CTNND2: variants seen among roughly 807,000 people sequenced by gnomAD.
CTNND2 encodes the protein catenin delta 2.
A neutral mutation model predicts 144.4 loss-of-function variants in CTNND2; 22 were observed. That is an observed-to-expected ratio of 0.15 (90% CI 0.11 to 0.22). The LOEUF (loss-of-function observed/expected upper bound fraction) is 0.22. Ranked by LOEUF, CTNND2 falls within the 10% of genes least tolerant of loss-of-function variation. The probability of loss-of-function intolerance (pLI) is 1.00; values close to 1 mark genes in which losing one functional copy is unlikely to be tolerated. For missense variants in CTNND2, 1,353 were observed against 1,618.8 expected (o/e 0.84, Z 2.82); for synonymous variants, 751 against 695.6 (o/e 1.08, Z -1.25).
intron 21 of CTNND2, among the ~76,000 whole-genome samples, chr5:10,978,281 TTA>T (rs1439614741): frequency 6.6e-6 from 1 of 152,192 alleles, no homozygotes; most frequent in Non-Finnish European, 1.5e-5. Flanking sequence ...GGGATACTGT[TTA>T]TGAGTCCTCT....
intron 1 of CTNND2, among the ~76,000 whole-genome samples, chr5:11,843,930 C>T (rs956071312): frequency 7.9e-5 from 12 of 152,058 alleles, no homozygotes; most frequent in African/African-American, 2.7e-4. Context: ...GTTTGACAGA[C>T]CTTCAAATTA....
chr5:11,376,348 A>G (rs898839839), intron 7 of CTNND2, among the ~76,000 whole-genome samples: 3 of 9,448 alleles, frequency 3.2e-4, no homozygotes, highest in East Asian at 0.011. Context: ...GTGTGTGTGT[A>G]TTTCTTATTC....
intron 1 of CTNND2, among the ~76,000 whole-genome samples, chr5:11,846,522 G>C (rs1794743845): frequency 6.6e-6 from 1 of 152,088 alleles, no homozygotes; most frequent in Non-Finnish European, 1.5e-5. Flanking sequence ...AATGCTTCAT[G>C]AATTTCAACT....
chr5:11,180,614 A>G (rs1268453152), intron 11 of CTNND2, among the ~76,000 whole-genome samples: 3 of 151,964 alleles, frequency 2.0e-5, no homozygotes, highest in African/African-American at 7.3e-5. Context: ...CATGTCCCTG[A>G]CCCCCAAGGC....
intron 2 of CTNND2, among the ~76,000 whole-genome samples, chr5:11,670,952 C>T (rs1484490234): frequency 6.6e-6 from 1 of 152,178 alleles, no homozygotes; most frequent in Non-Finnish European, 1.5e-5. Context: ...CCTTCAGGAG[C>T]TCCTGTAAGG....
intron 12 of CTNND2, among the ~76,000 whole-genome samples, chr5:11,142,505 G>T (rs1756830398): frequency 6.6e-6 from 1 of 152,026 alleles, no homozygotes; most frequent in Admixed American, 6.5e-5. Context: ...CCCCTACCTT[G>T]GCAGGTCCTC....
chr5:11,651,162 G>A lies in CTNND2; in HGVS notation c.174+80974C>T, dbSNP rs114801087. Among the ~76,000 whole-genome samples the A allele has an allele frequency of 6.4e-3, 967 of 152,254 alleles. 17 individuals carry two copies. The highest frequency in any genetic ancestry group is 0.021 in the African/African-American group (865 of 41,540). On this transcript the variant is annotated intron_variant, in intron 2 of 21. Transcript: ENST00000304623. ...GGCCCAGGGCCCCACCACTCTGTGC[G>A]ACCTCAGGACACTGCTCCCTGTGTC...
At chr5:11,163,308 G>C (rs1221429882) in intron 11 of CTNND2, among the ~76,000 whole-genome samples, 2 of 152,192 alleles carry the variant, frequency 1.3e-5, no homozygotes, top group African/African-American at 4.8e-5. Context: ...CTTATAGAGA[G>C]ACCAGCATGG....
intron 1 of CTNND2, among the ~76,000 whole-genome samples, chr5:11,834,609 G>A (rs1281790335): frequency 6.6e-6 from 1 of 152,094 alleles, no homozygotes; most frequent in East Asian, 1.9e-4. Flanking sequence ...TGCTTTCAAA[G>A]TACTCAGTAA....
intron 9 of CTNND2, among the ~76,000 whole-genome samples, chr5:11,244,008 T>A (rs1742725046): frequency 1.3e-5 from 2 of 152,212 alleles, no homozygotes; most frequent in African/African-American, 4.8e-5. Context: ...AAACTCAAAA[T>A]GTTTTAAAGA....
chr5:11,816,227 C>G (rs997280353), intron 1 of CTNND2, among the ~76,000 whole-genome samples: 4 of 152,166 alleles, frequency 2.6e-5, no homozygotes, highest in Non-Finnish European at 5.9e-5. Flanking sequence ...AAGCTCCTTT[C>G]TTTGGTGAGA....
intron 2 of CTNND2, among the ~76,000 whole-genome samples, chr5:11,657,711 G>C (rs6878487): frequency 0.11 from 16,675 of 151,908 alleles, 1,150 homozygotes; most frequent in African/African-American, 0.18. Flanking sequence ...ACTTCAATGG[G>C]CACATCAATC....
At chr5:11,682,642 T>C (rs997131305) in intron 2 of CTNND2, among the ~76,000 whole-genome samples, 4 of 152,166 alleles carry the variant, frequency 2.6e-5, no homozygotes, top group Non-Finnish European at 2.9e-5. Context: ...TCATGATACA[T>C]GGAAGGTGAA....
At chr5:11,705,308 C>G (rs928690318) in intron 2 of CTNND2, among the ~76,000 whole-genome samples, 2 of 152,168 alleles carry the variant, frequency 1.3e-5, no homozygotes, top group African/African-American at 2.4e-5. Flanking sequence ...ATTCTTCCCC[C>G]ACCCAACTCC....
At chr5:11,808,039 G>T (rs4419586) in intron 1 of CTNND2, among the ~76,000 whole-genome samples, 15,114 of 152,030 alleles carry the variant, frequency 0.099, 1,772 homozygotes, top group African/African-American at 0.28. Context: ...CAAGACATAT[G>T]AGAATTTGAA....
chr5:11,893,896 C>T (rs573364312), intron 1 of CTNND2, among the ~76,000 whole-genome samples: 52 of 152,220 alleles, frequency 3.4e-4, no homozygotes, highest in African/African-American at 1.2e-3. Flanking sequence ...GTCAGCAAAA[C>T]GAAGATTAGC....
intron 12 of CTNND2, among the ~76,000 whole-genome samples, chr5:11,125,230 C>T (rs1430440573): frequency 6.6e-6 from 1 of 152,200 alleles, no homozygotes; most frequent in African/African-American, 2.4e-5. Context: ...CAGCCTCTCT[C>T]TCTAGGTGCA....
intron 9 of CTNND2, among the ~76,000 whole-genome samples, chr5:11,290,590 C>G (rs1748225867): frequency 6.6e-6 from 1 of 152,098 alleles, no homozygotes; most frequent in South Asian, 2.1e-4. Context: ...ACAAATGATC[C>G]TGAATGCAAC....
intron 1 of CTNND2, among the ~76,000 whole-genome samples, chr5:11,790,981 C>T (rs1245432728): frequency 6.6e-6 from 1 of 151,822 alleles, no homozygotes; most frequent in Non-Finnish European, 1.5e-5. Context: ...TGGGATGGGC[C>T]CAATCCAACA....
Sources: allele counts gnomAD v4.1 joint callset (sites outside exome capture counted in the v4.1 genomes callset), GRCh38; gene constraint gnomAD v4.1.1; transcripts MANE v1.5; gene names NCBI Gene and HGNC (gene_info 2026-07-23, HGNC 2026-07-21).